TECPR2: variants seen among roughly 807,000 people sequenced by gnomAD.
TECPR2 encodes tectonin beta-propeller repeat-containing protein 2.
Under a neutral mutation model 138.1 loss-of-function variants are expected in TECPR2, and 65 were observed. The ratio of observed to expected loss-of-function variants is 0.47; its 90% CI spans 0.39 to 0.58. The LOEUF is 0.58. Among genes scored for constraint, TECPR2 ranks in the 20% least tolerant of loss-of-function variants. The pLI is 0.00. For synonymous variants in TECPR2, 746 were observed against 749.8 expected (o/e 0.99, Z 0.08); for missense variants, 1,553 against 1,824.5 (o/e 0.85, Z 2.71).
intron 2 of TECPR2, among the ~76,000 whole-genome samples, chr14:102,392,952 A>G (rs1888219397): frequency 2.0e-5 from 3 of 152,198 alleles, no homozygotes; most frequent in Non-Finnish European, 4.4e-5. Context: ...AATGCTTGAG[A>G]TAAGACAGAT....
At chr14:102,451,451 C>G (rs1454761964) in intron 15 of TECPR2, among the ~76,000 whole-genome samples, 2 of 152,194 alleles carry the variant, frequency 1.3e-5, no homozygotes, top group African/African-American at 4.8e-5. Context: ...AGTTCTGGAA[C>G]CCAGAAATCT....
intron 17 of TECPR2, among the ~76,000 whole-genome samples, chr14:102,476,206 C>CAAAAAAAAAAAAAA (rs58293049): frequency 4.4e-4 from 26 of 59,674 alleles, no homozygotes; most frequent in South Asian, 1.5e-3. Flanking sequence ...GACTCTGTCT[C>CAAAAAAAAAAAAAA]AAAAAAAAAA....
At chr14:102,465,559 AC>A (rs1418997955) in intron 17 of TECPR2, 1 of 1,151,786 alleles carries the variant, frequency 8.7e-7, no homozygotes, top group African/African-American at 1.6e-5. Flanking sequence ...TTGACTTTTT[AC>A]TAAGTGAATA....
intron 17 of TECPR2, among the ~76,000 whole-genome samples, chr14:102,466,779 CAG>C (rs1020690682): frequency 6.6e-6 from 1 of 152,194 alleles, no homozygotes; most frequent in Non-Finnish European, 1.5e-5. Context: ...CACTCCAAAA[CAG>C]AGAGAACACC....
intron 2 of TECPR2, 140 bp from the exon 3 acceptor site, chr14:102,407,198 G>A (rs1888681388): frequency 1.8e-6 from 2 of 1,127,480 alleles, no homozygotes; most frequent in Admixed American, 3.7e-5. Flanking sequence ...TGTAATTTCT[G>A]ACTTGTATAC....
chr14:102,432,586 G>C (rs796825615), intron 8 of TECPR2, among the ~76,000 whole-genome samples: 5 of 152,092 alleles, frequency 3.3e-5, no homozygotes, highest in African/African-American at 1.2e-4. Flanking sequence ...GTAGATACAG[G>C]GTTTCTCCAT....
chr14:102,439,272 C>G (rs1380303635), intron 10 of TECPR2, among the ~76,000 whole-genome samples: 4 of 152,154 alleles, frequency 2.6e-5, no homozygotes, highest in African/African-American at 9.7e-5. Flanking sequence ...GAATAGAAGT[C>G]AGACGAAGCC....
In TECPR2 at chr14:102,434,835, G is replaced by A; in HGVS notation, c.2018G>A (p.Ser673Asn). The stretch of plus-strand genomic sequence containing the variant: ...CCTGGGACCAGAGCTGATGAAGGCA[G>A]CCCCGTGGAGCCCAGCCAAGAGCAG... ...WLPGTRADEG[S>N]PVEPSQEQDI... The change falls in exon 9 of 20, where the codon AGC becomes AAC. Residue 673 changes from serine (S) to asparagine (N), a missense_variant. Transcript: ENST00000359520. 1.2e-6 allele frequency: 2 copies of A among 1,613,366 alleles called. No individual in the cohort carries two copies. The highest frequency in any genetic ancestry group is 1.7e-6 in the Non-Finnish European group (2 of 1,180,006).
chr14:102,386,423 T>C (rs191829688), intron 2 of TECPR2, among the ~76,000 whole-genome samples: 2 of 152,210 alleles, frequency 1.3e-5, no homozygotes, highest in Admixed American at 1.3e-4. Flanking sequence ...TGAGTAGAGA[T>C]TGCGCCACTG....
chr14:102,432,598 T>C (rs967868834), intron 8 of TECPR2, among the ~76,000 whole-genome samples: 1 of 152,044 alleles, frequency 6.6e-6, no homozygotes, highest in Admixed American at 6.5e-5. Flanking sequence ...TTTCTCCATG[T>C]TGGTCAGGCT....
At chr14:102,455,954 A>G (rs1285253722) in intron 16 of TECPR2, among the ~76,000 whole-genome samples, 1 of 152,090 alleles carries the variant, frequency 6.6e-6, no homozygotes, top group Non-Finnish European at 1.5e-5. Flanking sequence ...GGGTTTTATC[A>G]TGTTGGCCAG....
chr14:102,438,329 G>T (rs1164902527), intron 10 of TECPR2, 124 bp downstream of exon 10: 1 of 1,272,228 alleles, frequency 7.9e-7, no homozygotes, highest in Non-Finnish European at 1.0e-6. Flanking sequence ...ACGCTGCCGT[G>T]CGTTCACCAG....
rs147581511 is a variant in TECPR2, at chr14:102,445,561, A to G, written c.2934-245A>G. Among the ~76,000 whole-genome samples the G allele has an allele frequency of 3.2e-3, 482 of 152,138 alleles. 6 individuals carry two copies. The highest frequency in any genetic ancestry group is 2.3e-3 in the Non-Finnish European group (156 of 68,002). On this transcript the variant is annotated intron_variant, in intron 12 of 19. Coordinates refer to ENST00000359520, the MANE Select transcript of TECPR2 (RefSeq NM_014844.5). ...TTCTTAGGTTATTTTCTCTCTTAAG[A>G]GTGTTCCCAGCCATTCTGGGTCATC...
intron 16 of TECPR2, among the ~76,000 whole-genome samples, chr14:102,463,416 CAAA>C (rs550694466): frequency 7.8e-5 from 3 of 38,536 alleles, no homozygotes; most frequent in Non-Finnish European, 1.7e-4. Context: ...GACTCCGTCT[CAAA>C]AAAAAAAAAA....
At chr14:102,446,547 A>T (rs544792176) in intron 13 of TECPR2, among the ~76,000 whole-genome samples, 1 of 152,240 alleles carries the variant, frequency 6.6e-6, no homozygotes, top group South Asian at 2.1e-4. Context: ...TTCAGCCAAG[A>T]TCACACCACC....
chr14:102,382,190 G>A (rs1014382750), intron 2 of TECPR2, among the ~76,000 whole-genome samples: 1 of 151,894 alleles, frequency 6.6e-6, no homozygotes, highest in African/African-American at 2.4e-5. Flanking sequence ...CTACTCAGGA[G>A]ACTGAAGCAG....
At chr14:102,396,398 C>T (rs914288488) in intron 2 of TECPR2, among the ~76,000 whole-genome samples, 6 of 152,164 alleles carry the variant, frequency 3.9e-5, no homozygotes, top group African/African-American at 9.7e-5. Flanking sequence ...CCACTGCACC[C>T]GGCCCATCTT....
At chr14:102,413,822 AG>A (rs537504114) in intron 4 of TECPR2, among the ~76,000 whole-genome samples, 2 of 152,112 alleles carry the variant, frequency 1.3e-5, no homozygotes, top group African/African-American at 4.8e-5. Flanking sequence ...TTTTAAAGAC[AG>A]AGTCTCACTC....
chr14:102,414,000 A>G (rs972283145), intron 4 of TECPR2, among the ~76,000 whole-genome samples: 3 of 151,656 alleles, frequency 2.0e-5, no homozygotes, highest in Non-Finnish European at 2.9e-5. Context: ...TGATCTCACA[A>G]TGTTGCCCAG....
Sources: gnomAD v4.1 joint callset for allele counts (sites outside exome capture counted in the v4.1 genomes callset) on GRCh38, gnomAD v4.1.1 for gene constraint, MANE v1.5 for transcripts, NCBI Gene and HGNC (gene_info 2026-07-23, HGNC 2026-07-21) for gene names.